Variants in SHROOM3 observed in about 807,000 individuals in gnomAD.
The protein encoded by SHROOM3 is protein Shroom3.
A neutral mutation model predicts 138.6 loss-of-function variants in SHROOM3; 47 were observed. The ratio of observed to expected loss-of-function variants is 0.34; its 90% CI spans 0.27 to 0.43. SHROOM3 has a LOEUF of 0.43. Ranked by LOEUF, SHROOM3 falls within the 20% of genes least tolerant of loss-of-function variation. The probability of loss-of-function intolerance (pLI) is 1.00; values close to 1 mark genes in which losing one functional copy is unlikely to be tolerated. For missense variants in SHROOM3, 2,491 were observed against 2,596.5 expected, an observed-to-expected ratio of 0.96 and a Z score of 0.88; for synonymous variants, 1,062 against 1,063.3, an observed-to-expected ratio of 1.00 and a Z score of 0.02.
In SHROOM3 at chr4:76,664,789, T is replaced by C. The variant is rs1718646692; in HGVS notation, c.324-45367T>C. Among the ~76,000 whole-genome samples the C allele has an allele frequency of 6.6e-6, 1 of 152,174 alleles. No homozygotes were observed. Among genetic ancestry groups the C allele is most frequent in the South Asian group, 2.1e-4 (1 of 4,830 alleles). ...TGATAACTTTTTTATCCTGCAAAAC[T>C]GAAACTCTATACACACTAAAAACTC... On this transcript the variant is annotated intron_variant, in intron 2 of 10. Transcript: ENST00000296043. The surrounding 1 kb of genome is among the most constrained non-coding windows in gnomAD (Gnocchi z 4.2).
At chr4:76,759,509 T>C (rs761585433) in intron 8 of SHROOM3, 36 bp from the exon 9 acceptor site, 2 of 1,613,508 alleles carry the variant, frequency 1.2e-6, no homozygotes, top group East Asian at 4.5e-5. Context: ...TCTGGCGTGA[T>C]CTGTGTGGCT....
At chr4:76,552,022 C>T (rs181963625) in intron 1 of SHROOM3, among the ~76,000 whole-genome samples, 9,771 of 106,064 alleles carry the variant, frequency 0.092, 438 homozygotes, top group East Asian at 0.25. Flanking sequence ...CCATCACGCC[C>T]GGCTAATTTT....
chr4:76,482,540 G>A (rs952997140), intron 1 of SHROOM3, among the ~76,000 whole-genome samples: 7 of 152,182 alleles, frequency 4.6e-5, no homozygotes, highest in African/African-American at 1.7e-4. Flanking sequence ...TTCATGGATA[G>A]GAAGAATGAA....
intron 3 of SHROOM3, among the ~76,000 whole-genome samples, chr4:76,723,984 G>A (rs1295183040): frequency 2.0e-5 from 3 of 152,182 alleles, no homozygotes; most frequent in Admixed American, 2.0e-4. Flanking sequence ...AATTTAACAA[G>A]GTTGAAGGCA....
chr4:76,567,451 C>T (rs750608128), intron 2 of SHROOM3, among the ~76,000 whole-genome samples: 14 of 152,196 alleles, frequency 9.2e-5, no homozygotes, highest in Middle Eastern at 3.4e-3. Context: ...GAGATCAAGA[C>T]CATCCTGGCT....
intron 1 of SHROOM3, among the ~76,000 whole-genome samples, chr4:76,462,596 G>A (rs1405985505): frequency 6.6e-6 from 1 of 152,114 alleles, no homozygotes; most frequent in Non-Finnish European, 1.5e-5. Flanking sequence ...TTTTCCCCTT[G>A]CTGTTCTCAT....
chr4:76,498,708 A>T (rs978087305), intron 1 of SHROOM3, among the ~76,000 whole-genome samples: 11 of 152,090 alleles, frequency 7.2e-5, no homozygotes, highest in African/African-American at 2.7e-4. Flanking sequence ...TATTTGCTGA[A>T]TAACGAGAGT....
At chr4:76,735,304 C>G (rs1163243076) in intron 4 of SHROOM3, among the ~76,000 whole-genome samples, 1 of 152,116 alleles carries the variant, frequency 6.6e-6, no homozygotes, top group Non-Finnish European at 1.5e-5. Flanking sequence ...TATTTCCAGA[C>G]AGCAGTGGAA....
At chr4:76,764,955 G>C (rs980016173) in intron 9 of SHROOM3, among the ~76,000 whole-genome samples, 2 of 152,026 alleles carry the variant, frequency 1.3e-5, no homozygotes, top group African/African-American at 2.4e-5. Flanking sequence ...CAGGACTTTA[G>C]TGACTAGTGA....
chr4:76,635,882 A>G (rs1735480600), intron 2 of SHROOM3, among the ~76,000 whole-genome samples: 1 of 152,208 alleles, frequency 6.6e-6, no homozygotes, highest in South Asian at 2.1e-4. Context: ...TGTCAGATCA[A>G]TCCTAGGATT....
At position 76,693,370 on chromosome 4, in the gene SHROOM3, GT is replaced by G. The variant is rs10648549; in HGVS notation, c.324-16763del. ...TGCATACCTTCATTTTGATAAGTTTGTTTTTTTTTTTTTTTTTTTTTTTAAA... is the reference window on the plus strand; with the variant it reads ...TGCATACCTTCATTTTGATAAGTTTGTTTTTTTTTTTTTTTTTTTTTTAAA... On this transcript the variant is annotated intron_variant, in intron 2 of 10. Transcript: ENST00000296043. 4.6e-3 allele frequency among the ~76,000 whole-genome samples: 368 copies of G among 79,834 alleles called. 2 individuals carry two copies. The highest frequency in any genetic ancestry group is 5.4e-3 in the Non-Finnish European group (238 of 44,460). 52.4% of individuals were successfully genotyped at this position (79,834 alleles called of 152,430 possible).
chr4:76,734,906 T>C (rs1338487519), intron 4 of SHROOM3, among the ~76,000 whole-genome samples: 3 of 152,172 alleles, frequency 2.0e-5, no homozygotes, highest in Non-Finnish European at 4.4e-5. Context: ...AGAGAAGAGA[T>C]GCTCTTTAGT....
intron 1 of SHROOM3, among the ~76,000 whole-genome samples, chr4:76,458,974 G>A (rs1206255697): frequency 6.6e-6 from 1 of 152,216 alleles, no homozygotes; most frequent in Admixed American, 6.5e-5. Context: ...TTAAGCTAAA[G>A]AGCAGGAATC....
At position 76,559,710 on chromosome 4, in the gene SHROOM3, TAA is replaced by T. The variant is rs1733561168; in HGVS notation, c.323+3948_323+3949del. 3.3e-5 allele frequency: 5 copies of T among 152,290 alleles called. No individual in the cohort carries two copies. In the South Asian group the frequency reaches 1.0e-3, roughly 32 times the overall value. The allele number at this position is 152,290 out of a possible 1,614,324, so 9.4% of individuals were successfully genotyped here. On this transcript the variant is annotated intron_variant, in intron 2 of 10. Transcript: ENST00000296043. ...ACAGAGCAGGGTAATAGTGTTTATA[TAA>T]GTTTTGGGATTGTCTTACCCAGTGA...
chr4:76,687,290 C>A (rs1308869278), intron 2 of SHROOM3, among the ~76,000 whole-genome samples: 1 of 152,104 alleles, frequency 6.6e-6, no homozygotes, highest in East Asian at 1.9e-4. Context: ...AGCTTTATTT[C>A]TTCATTAATA....
chr4:76,731,651 T>C (rs980548607), intron 4 of SHROOM3, among the ~76,000 whole-genome samples: 1 of 151,856 alleles, frequency 6.6e-6, no homozygotes, highest in African/African-American at 2.4e-5. Context: ...TGTGGTGGCA[T>C]GAACCTGTAA....
At chr4:76,732,314 G>T (rs1720912308) in intron 4 of SHROOM3, among the ~76,000 whole-genome samples, 1 of 152,180 alleles carries the variant, frequency 6.6e-6, no homozygotes, top group South Asian at 2.1e-4. Flanking sequence ...ATTACTTAAT[G>T]AACAGATGGT....
At chr4:76,655,116 A>G (rs1577954704) in intron 2 of SHROOM3, among the ~76,000 whole-genome samples, 1 of 152,188 alleles carries the variant, frequency 6.6e-6, no homozygotes, top group East Asian at 1.9e-4. Flanking sequence ...ATACTAATAT[A>G]TTTACATATC....
At chr4:76,645,057 T>G (rs1258872949) in intron 2 of SHROOM3, among the ~76,000 whole-genome samples, 1 of 152,230 alleles carries the variant, frequency 6.6e-6, no homozygotes, top group Admixed American at 6.5e-5. Flanking sequence ...AAGTCAGAAC[T>G]TGAACCCTGG....
Sources: allele counts gnomAD v4.1 joint callset (sites outside exome capture counted in the v4.1 genomes callset), GRCh38; gene constraint gnomAD v4.1.1; non-coding constraint Gnocchi (gnomAD v3.1); transcripts MANE v1.5; gene names NCBI Gene and HGNC (gene_info 2026-07-23, HGNC 2026-07-21).